Variants in NLGN1 observed in about 807,000 individuals in gnomAD.
NLGN1 encodes neuroligin-1.
NLGN1 carries 12 observed loss-of-function variants against 65.5 expected under a neutral mutation model. That is an observed-to-expected ratio of 0.18 (90% confidence interval 0.12 to 0.30). NLGN1 has a LOEUF of 0.30. Among genes scored for constraint, NLGN1 ranks in the 10% least tolerant of loss-of-function variants. The probability of loss-of-function intolerance (pLI) is 1.00; values close to 1 mark genes in which losing one functional copy is unlikely to be tolerated. For missense variants in NLGN1, 750 were observed against 1,007.1 expected (o/e 0.74, Z 3.46); for synonymous variants, 350 against 359.5 (o/e 0.97, Z 0.30).
chr3:174,185,888 T>C (rs1396317746), intron 4 of NLGN1, among the ~76,000 whole-genome samples: 2 of 152,116 alleles, frequency 1.3e-5, no homozygotes, highest in Non-Finnish European at 2.9e-5. Flanking sequence ...ACTAACTTTT[T>C]CCACTATTTT....
intron 4 of NLGN1, among the ~76,000 whole-genome samples, chr3:173,947,578 A>G (rs756694339): frequency 2.6e-5 from 4 of 152,232 alleles, no homozygotes; most frequent in East Asian, 3.8e-4. Context: ...AAACATGCAC[A>G]TGGATTAATT....
At chr3:173,409,554 A>G (rs983124717) in intron 1 of NLGN1, among the ~76,000 whole-genome samples, 2 of 152,010 alleles carry the variant, frequency 1.3e-5, no homozygotes, top group East Asian at 1.9e-4. Context: ...TCTTTCCCCC[A>G]TTTCCAACTC....
chr3:173,861,952 A>G (rs757268291), intron 4 of NLGN1, among the ~76,000 whole-genome samples: 1 of 151,622 alleles, frequency 6.6e-6, no homozygotes. Flanking sequence ...TATTTTTAGT[A>G]GAGACGAGGT....
At chr3:173,872,220 C>T (rs1016722935) in intron 4 of NLGN1, among the ~76,000 whole-genome samples, 2 of 152,156 alleles carry the variant, frequency 1.3e-5, no homozygotes, top group Admixed American at 6.5e-5. Context: ...GGCAGGAGGA[C>T]GATTTGATTT....
intron 3 of NLGN1, among the ~76,000 whole-genome samples, chr3:173,646,235 A>G (rs1398913741): frequency 6.6e-6 from 1 of 152,204 alleles, no homozygotes; most frequent in African/African-American, 2.4e-5. Context: ...TCTATACCCA[A>G]CAAAATATAT....
At chr3:173,873,950 T>C (rs1211495681) in intron 4 of NLGN1, among the ~76,000 whole-genome samples, 1 of 152,108 alleles carries the variant, frequency 6.6e-6, no homozygotes, top group Non-Finnish European at 1.5e-5. Flanking sequence ...GGTGCCATTA[T>C]AAGAAAATGA....
At chr3:174,175,783 G>A (rs1479298480) in intron 4 of NLGN1, among the ~76,000 whole-genome samples, 2 of 151,804 alleles carry the variant, frequency 1.3e-5, no homozygotes, top group African/African-American at 2.4e-5. Flanking sequence ...ATTTCCCCAC[G>A]GTAACATGAT....
At chr3:174,030,607 G>A (rs1362145884) in intron 4 of NLGN1, among the ~76,000 whole-genome samples, 1 of 152,180 alleles carries the variant, frequency 6.6e-6, no homozygotes, top group Non-Finnish European at 1.5e-5. Context: ...ATGACAGATT[G>A]AACTTATATG....
At position 173,640,070 on chromosome 3, in the gene NLGN1, T is replaced by C. The variant is rs1757167501; in HGVS notation, c.493+34979T>C. Among the ~76,000 whole-genome samples, 8 of 152,286 alleles carry C rather than the reference T, an allele frequency of 5.3e-5. 1 individual carries two copies. In the South Asian group the frequency reaches 1.7e-3, roughly 32 times the overall value. ...TAAAATCACCTATCTACATGTTGCTTAATATGTCATCTTTCAAGGACAACG... is the reference window on the plus strand; with the variant it reads ...TAAAATCACCTATCTACATGTTGCTCAATATGTCATCTTTCAAGGACAACG... On this transcript the variant is annotated intron_variant, in intron 3 of 6. Transcript: ENST00000457714.
At chr3:174,014,232 G>T (rs958681141) in intron 4 of NLGN1, among the ~76,000 whole-genome samples, 4 of 152,126 alleles carry the variant, frequency 2.6e-5, no homozygotes, top group Non-Finnish European at 5.9e-5. Context: ...AATATCTTAG[G>T]ATATGTAAAC....
intron 2 of NLGN1, among the ~76,000 whole-genome samples, chr3:173,553,895 G>A (rs527516847): frequency 2.0e-5 from 3 of 152,252 alleles, no homozygotes; most frequent in African/African-American, 7.2e-5. Flanking sequence ...TTTTTGGATC[G>A]GAAAGGAGAC....
At chr3:173,801,919 T>A (rs1409073279) in intron 3 of NLGN1, among the ~76,000 whole-genome samples, 4 of 152,142 alleles carry the variant, frequency 2.6e-5, no homozygotes, top group African/African-American at 9.6e-5. Flanking sequence ...CATTAATTAC[T>A]GTTTCCAAAA....
At chr3:174,021,793 T>C (rs1727795723) in intron 4 of NLGN1, among the ~76,000 whole-genome samples, 1 of 152,182 alleles carries the variant, frequency 6.6e-6, no homozygotes. Flanking sequence ...TAGGAAATAA[T>C]ACATTCCTTT....
chr3:173,511,185 T>G (rs1732898381), intron 2 of NLGN1, among the ~76,000 whole-genome samples: 2 of 152,192 alleles, frequency 1.3e-5, no homozygotes, highest in Non-Finnish European at 1.5e-5. Context: ...CTAAACAAAA[T>G]GCACTGAAAC....
intron 1 of NLGN1, among the ~76,000 whole-genome samples, chr3:173,431,097 A>G (rs1473668974): frequency 6.6e-6 from 1 of 152,188 alleles, no homozygotes. Context: ...GTTTATTACT[A>G]TCATTTTATT....
chr3:174,137,830 C>G (rs1481399601), intron 4 of NLGN1, among the ~76,000 whole-genome samples: 1 of 152,158 alleles, frequency 6.6e-6, no homozygotes, highest in Non-Finnish European at 1.5e-5. Context: ...AGGGGCATTA[C>G]TATCTATTCC....
intron 4 of NLGN1, among the ~76,000 whole-genome samples, chr3:173,899,928 A>G (rs1422867141): frequency 6.6e-6 from 1 of 152,156 alleles, no homozygotes; most frequent in Admixed American, 6.6e-5. Flanking sequence ...ATTATGAAAC[A>G]TGTAAACAAA....
chr3:174,048,991 A>G (rs1356647297), intron 4 of NLGN1, among the ~76,000 whole-genome samples: 1 of 152,034 alleles, frequency 6.6e-6, no homozygotes, highest in Non-Finnish European at 1.5e-5. Context: ...ATAAACAAAA[A>G]TTTCTGCATC....
chr3:174,052,296 G>C (rs1033936801), intron 4 of NLGN1, among the ~76,000 whole-genome samples: 1 of 151,902 alleles, frequency 6.6e-6, no homozygotes, highest in Non-Finnish European at 1.5e-5. Flanking sequence ...ATGATTTGGG[G>C]CCCTTTTGAT....
Sources: gnomAD v4.1 joint callset for allele counts (sites outside exome capture counted in the v4.1 genomes callset) on GRCh38, gnomAD v4.1.1 for gene constraint, MANE v1.5 for transcripts, NCBI Gene and HGNC (gene_info 2026-07-23, HGNC 2026-07-21) for gene names.